ERO1A: variants seen among roughly 807,000 people sequenced by gnomAD.
ERO1A encodes endoplasmic reticulum oxidoreductase 1 alpha, also known as ERO1-like protein alpha.
A neutral mutation model predicts 76.9 loss-of-function variants in ERO1A; 49 were observed. That is an observed-to-expected ratio of 0.64 (90% CI 0.51 to 0.81). ERO1A has a LOEUF of 0.81. Ranked by LOEUF, ERO1A falls within the 30% of genes least tolerant of loss-of-function variation. ERO1A has a pLI of 0.00. For missense variants in ERO1A, 448 were observed against 542.1 expected (o/e 0.83, Z 1.72); for synonymous variants, 174 against 181.2 (o/e 0.96, Z 0.32).
chr14:52,687,057 T>C (rs1254803986), intron 1 of ERO1A, among the ~76,000 whole-genome samples: 1 of 152,128 alleles, frequency 6.6e-6, no homozygotes, highest in Non-Finnish European at 1.5e-5. Flanking sequence ...ACAACTCAGA[T>C]AAGCCTGCCA....
chr14:52,682,322 T>C lies in ERO1A; in HGVS notation c.318+3A>G. 1 of 1,597,652 alleles carries C rather than the reference T, an allele frequency of 6.3e-7. No individual in the cohort carries two copies. Among genetic ancestry groups the C allele is most frequent in the Non-Finnish European group, 8.6e-7 (1 of 1,168,420 alleles). ...AGTTTTTAAATGTATACATGGTTCT[T>C]ACAGATTGACATGGTTTGACAGCAC... On this transcript the variant is annotated splice_donor_region_variant and intron_variant, in intron 3 of 15. Coordinates refer to ENST00000395686, the MANE Select transcript of ERO1A (RefSeq NM_014584.3).
intron 11 of ERO1A, among the ~76,000 whole-genome samples, chr14:52,654,539 T>C (rs1347895326): frequency 4.6e-5 from 7 of 152,174 alleles, no homozygotes; most frequent in African/African-American, 1.7e-4. Flanking sequence ...TTTTTATATA[T>C]AAATGTAGCA....
At chr14:52,686,062 A>T (rs1566647393) in intron 1 of ERO1A, among the ~76,000 whole-genome samples, 2 of 152,206 alleles carry the variant, frequency 1.3e-5, no homozygotes, top group Non-Finnish European at 2.9e-5. Context: ...AAACATAAAA[A>T]TTAGCCGGGC....
intron 14 of ERO1A, 40 bp from the exon 15 acceptor site, chr14:52,646,327 A>C (rs764507896): frequency 6.4e-5 from 102 of 1,599,744 alleles, no homozygotes; most frequent in Non-Finnish European, 8.3e-5. Flanking sequence ...TTAGAAAATT[A>C]TTCATGCAAA....
chr14:52,668,317 G>A lies in ERO1A; in HGVS notation c.509-1822C>T, dbSNP rs537335022. 2.7e-3 allele frequency among the ~76,000 whole-genome samples: 405 copies of A among 151,950 alleles called. 2 individuals are homozygous for A. Among genetic ancestry groups the A allele is most frequent in the African/African-American group, 9.3e-3 (387 of 41,436 alleles). ...TCCCAGAACTTTGGGAGGCTGAGGC[G>A]GGTGGATCACATGAAGTCAGGAGTT... On this transcript the variant is annotated intron_variant, in intron 6 of 15. Coordinates refer to ENST00000395686, the MANE Select transcript of ERO1A (RefSeq NM_014584.3).
At position 52,683,846 on chromosome 14, in the gene ERO1A, T is replaced by C; in HGVS notation, c.176A>G (p.Tyr59Cys). 2 of 1,583,306 alleles carry C rather than the reference T, an allele frequency of 1.3e-6. No homozygotes were observed. The highest frequency in any genetic ancestry group is 1.7e-6 in the Non-Finnish European group (2 of 1,156,760). Residue 59 changes from tyrosine (Y) to cysteine (C), a missense_variant, in exon 2 of 16, where the codon TAC becomes TGC. Coordinates refer to ENST00000395686, the MANE Select transcript of ERO1A (RefSeq NM_014584.3). Reference protein sequence around the residue: ...DVETIDRFNNYRLFPRLQKLL... With the variant: ...DVETIDRFNNCRLFPRLQKLL... ...TTTTTGTAGTCTTGGGAAAAGCCTG[T>C]AGTTATTAAATCTATCAATGGTTTC...
In ERO1A at chr14:52,658,123, C is replaced by A; in HGVS notation, c.715+1G>T. On this transcript the variant is annotated splice_donor_variant, in intron 10 of 15. Coordinates refer to ENST00000395686, the MANE Select transcript of ERO1A (RefSeq NM_014584.3). LOFTEE classifies it high-confidence loss of function. ...AAATTTATTTTAAAGTTTCTAATTA[C>A]CTTCTAGCCAACTGTAAAAAGTGTT... is the stretch of plus-strand genomic sequence containing the variant. 5 of 1,508,686 alleles carry A rather than the reference C, an allele frequency of 3.3e-6. No homozygotes were observed. Among genetic ancestry groups the A allele is most frequent in the Non-Finnish European group, 4.6e-6 (5 of 1,096,302 alleles). 93.5% of individuals were successfully genotyped at this position (1,508,686 alleles called of 1,614,324 possible). A position where few individuals can be genotyped will look rare whatever the true frequency, so the allele number is the denominator to read the frequency against.
intron 1 of ERO1A, among the ~76,000 whole-genome samples, chr14:52,693,849 C>G (rs563552378): frequency 9.9e-4 from 151 of 152,140 alleles, no homozygotes; most frequent in African/African-American, 3.5e-3. Flanking sequence ...GATAGCCACT[C>G]TCGTTCTAAA....
rs879558067 is a variant in ERO1A, at chr14:52,664,854, G to A, written c.630-1007C>T. On this transcript the variant is annotated intron_variant, in intron 7 of 15. Transcript: ENST00000395686. ...CTACAGGTGCCCACCACTACGCCCG[G>A]CTAATTTTTTGTATTTTTAGTAGAG... Among the ~76,000 whole-genome samples, 12 of 152,110 alleles carry A rather than the reference G, an allele frequency of 7.9e-5. No homozygotes were observed. In the East Asian group the frequency reaches 2.0e-3, roughly 25 times the overall value.
At chr14:52,684,776 T>C (rs890782965) in intron 1 of ERO1A, among the ~76,000 whole-genome samples, 6 of 148,314 alleles carry the variant, frequency 4.0e-5, no homozygotes, top group East Asian at 2.0e-4. Flanking sequence ...ATAATAAATA[T>C]TATCAATTAT....
chr14:52,678,003 C>T (rs544336129), intron 4 of ERO1A, among the ~76,000 whole-genome samples: 7 of 151,560 alleles, frequency 4.6e-5, no homozygotes, highest in Admixed American at 1.3e-4. Context: ...CGGTGGCTCA[C>T]GCCTATAATC....
Position 52,643,561 on chromosome 14 carries a change from T to C in ERO1A, c.*9A>G. 1 of 1,474,308 alleles carries C rather than the reference T, an allele frequency of 6.8e-7. No homozygotes were observed. Among genetic ancestry groups the C allele is most frequent in the Non-Finnish European group, 9.0e-7 (1 of 1,113,894 alleles). 91.3% of individuals were successfully genotyped at this position (1,474,308 alleles called of 1,614,324 possible). On this transcript the variant is annotated 3_prime_UTR_variant, in exon 16 of 16. Coordinates refer to ENST00000395686, the MANE Select transcript of ERO1A (RefSeq NM_014584.3). ...TGTCCAGAAACAGGCACATATCAGCTTGTTTTCTTTAATGAATATTCTGTA... is the reference window on the plus strand; with the variant it reads ...TGTCCAGAAACAGGCACATATCAGCCTGTTTTCTTTAATGAATATTCTGTA...
At chr14:52,695,345 G>C in intron 1 of ERO1A, 23 bp downstream of exon 1, 1 of 1,401,890 alleles carries the variant, frequency 7.1e-7, no homozygotes, top group Non-Finnish European at 9.4e-7. Flanking sequence ...GGGACCCTCA[G>C]CACCAACGCG....
chr14:52,688,423 T>C (rs917362849), intron 1 of ERO1A, among the ~76,000 whole-genome samples: 2 of 152,206 alleles, frequency 1.3e-5, no homozygotes, highest in African/African-American at 2.4e-5. Context: ...TTAACCTCTC[T>C]AGGCCTTGGT....
chr14:52,653,402 T>A, intron 11 of ERO1A, 87 bp from the exon 12 acceptor site: 2 of 1,044,432 alleles, frequency 1.9e-6, no homozygotes, highest in Non-Finnish European at 2.7e-6. Flanking sequence ...CTATAGAAGT[T>A]AATTTCATTT....
At chr14:52,689,565 A>G (rs1294262226) in intron 1 of ERO1A, among the ~76,000 whole-genome samples, 2 of 152,186 alleles carry the variant, frequency 1.3e-5, no homozygotes, top group East Asian at 3.8e-4. Flanking sequence ...ACTACTTAGG[A>G]ATAAATTTAA....
At chr14:52,670,276 TA>T (rs1398018160) in intron 6 of ERO1A, among the ~76,000 whole-genome samples, 1 of 152,250 alleles carries the variant, frequency 6.6e-6, no homozygotes, top group African/African-American at 2.4e-5. Flanking sequence ...CAATTTGATT[TA>T]TTTTTTTTAG....
intron 13 of ERO1A, among the ~76,000 whole-genome samples, chr14:52,649,076 G>A (rs1288892089): frequency 1.3e-5 from 2 of 152,218 alleles, no homozygotes; most frequent in South Asian, 4.1e-4. Flanking sequence ...AAAAGGTATG[G>A]TCCTTAAAAT....
At chr14:52,652,339 C>T (rs762240038) in intron 12 of ERO1A, 31 bp from the exon 13 acceptor site, 83 of 1,452,990 alleles carry the variant, frequency 5.7e-5, no homozygotes, top group Non-Finnish European at 7.2e-5. Context: ...TATTCATTTT[C>T]ATGTGTTATA....
Sources: allele counts gnomAD v4.1 joint callset (sites outside exome capture counted in the v4.1 genomes callset), GRCh38; gene constraint gnomAD v4.1.1; transcripts MANE v1.5; gene names NCBI Gene and HGNC (gene_info 2026-07-23, HGNC 2026-07-21).